LPGAT1: variants seen among roughly 807,000 people sequenced by gnomAD.
The protein encoded by LPGAT1 is acyl-CoA:lysophosphatidylglycerol acyltransferase 1.
In LPGAT1, 11 loss-of-function variants were observed where a neutral mutation model predicts 47.5. The ratio of observed to expected loss-of-function variants is 0.23; its 90% CI spans 0.15 to 0.38. The LOEUF is 0.38. LPGAT1 is among the 10% of genes least tolerant of loss of function. The pLI is 1.00. For missense variants in LPGAT1, 293 were observed against 439.0 expected (o/e 0.67, Z 2.97); for synonymous variants, 138 against 144.2 (o/e 0.96, Z 0.31).
chr1:211,787,347 G>A (rs1658921518), intron 4 of LPGAT1, among the ~76,000 whole-genome samples: 1 of 151,900 alleles, frequency 6.6e-6, no homozygotes, highest in Non-Finnish European at 1.5e-5. Context: ...AAAATTAGCT[G>A]GGCGTAGTGG....
At chr1:211,798,291 A>G (rs1659429546) in intron 2 of LPGAT1, among the ~76,000 whole-genome samples, 1 of 152,210 alleles carries the variant, frequency 6.6e-6, no homozygotes, top group Non-Finnish European at 1.5e-5. Context: ...ACAGTACCAT[A>G]GAGATCCTGA....
At chr1:211,772,811 C>G (rs1458482388) in intron 6 of LPGAT1, among the ~76,000 whole-genome samples, 3 of 152,116 alleles carry the variant, frequency 2.0e-5, no homozygotes, top group Non-Finnish European at 4.4e-5. Context: ...ATAACTATTT[C>G]TGAAATCACA....
intron 2 of LPGAT1, among the ~76,000 whole-genome samples, chr1:211,808,136 G>A (rs1383464559): frequency 7.9e-5 from 12 of 151,792 alleles, no homozygotes; most frequent in African/African-American, 2.7e-4. Context: ...ACTTGAGGTC[G>A]GGAGTTCGAG....
chr1:211,807,075 T>G (rs1220229560), intron 2 of LPGAT1, among the ~76,000 whole-genome samples: 1 of 152,156 alleles, frequency 6.6e-6, no homozygotes, highest in East Asian at 1.9e-4. Context: ...TTAGCAAAGT[T>G]GCAGGATACA....
chr1:211,817,098 T>G (rs984031597), intron 2 of LPGAT1, among the ~76,000 whole-genome samples: 5 of 152,222 alleles, frequency 3.3e-5, no homozygotes, highest in African/African-American at 9.7e-5. Flanking sequence ...TCCTTATCCA[T>G]GTAACCTATA....
intron 2 of LPGAT1, among the ~76,000 whole-genome samples, chr1:211,824,873 A>G (rs1409234197): frequency 6.6e-6 from 1 of 152,202 alleles, no homozygotes; most frequent in East Asian, 1.9e-4. Context: ...CACAATGAAT[A>G]TGTATCCCTC....
rs1434725021 is a variant in LPGAT1, at chr1:211,778,364, A to C, written c.854+554T>G. Among the ~76,000 whole-genome samples the C allele has an allele frequency of 4.3e-3, 602 of 140,718 alleles. 14 individuals carry two copies. The highest frequency in any genetic ancestry group is 0.012 in the African/African-American group (469 of 38,720). 92.3% of individuals were successfully genotyped at this position (140,718 alleles called of 152,430 possible). A position where few individuals can be genotyped will look rare whatever the true frequency, so the allele number is the denominator to read the frequency against. On this transcript the variant is annotated intron_variant, in intron 6 of 7. Coordinates refer to ENST00000366997, the MANE Select transcript of LPGAT1 (RefSeq NM_014873.3). ...CTCAAAAAAAAAAAAAAAAAAAAAA[A>C]AAAAAAAAAAGGAAGGCATGAATAA...
Position 211,749,356 on chromosome 1 carries a change from AGAGTTTGTTACTGCAACAGACTG to A in LPGAT1, c.*520_*542del, listed in dbSNP as rs1481614736. 1,509 of 156,874 alleles carry A rather than the reference AGAGTTTGTTACTGCAACAGACTG, an allele frequency of 9.6e-3. 13 individuals are homozygous for A. The highest frequency in any genetic ancestry group is 0.016 in the Admixed American group (240 of 15,366). 9.7% of individuals were successfully genotyped at this position (156,874 alleles called of 1,614,324 possible). On this transcript the variant is annotated 3_prime_UTR_variant, in exon 8 of 8. Coordinates refer to ENST00000366997, the MANE Select transcript of LPGAT1 (RefSeq NM_014873.3). ...CCCCCACAGAGAATGTCAATATTCTAGAGTTTGTTACTGCAACAGACTGGAGTTTGTTACTGCAACAGACTGGA... is the reference window on the plus strand; with the variant it reads ...CCCCCACAGAGAATGTCAATATTCTAGAGTTTGTTACTGCAACAGACTGGA...
chr1:211,818,804 T>C (rs907060956), intron 2 of LPGAT1, among the ~76,000 whole-genome samples: 4 of 152,236 alleles, frequency 2.6e-5, no homozygotes, highest in African/African-American at 9.6e-5. Context: ...TTCGTTTTGA[T>C]GACATTTTCT....
In LPGAT1 at chr1:211,750,965, T is replaced by C; in HGVS notation, c.957A>G (p.Glu319=). Residue 319 remains glutamate, a synonymous_variant, in exon 7 of 8, where the codon GAA becomes GAG. Transcript: ENST00000366997. ...EKEDLLSHFY[E]TGAFPPSKGH... The stretch of plus-strand genomic sequence containing the variant: ...TATTTAAAGGTTACTGTGTACCTGT[T>C]TCATAAAAATGTGATAAGAGGTCTT... 6.2e-7 allele frequency: 1 copy of C among 1,606,468 alleles called. No homozygotes were observed. The highest frequency in any genetic ancestry group is 2.2e-5 in the East Asian group (1 of 44,812).
At position 211,788,353 on chromosome 1, in the gene LPGAT1, T is replaced by C. The variant is rs188544448; in HGVS notation, c.358-626A>G. Among the ~76,000 whole-genome samples the C allele has an allele frequency of 2.2e-3, 332 of 152,250 alleles. 5 individuals are homozygous for C. In the South Asian group the frequency reaches 0.031, roughly 14 times the overall value. On this transcript the variant is annotated intron_variant, in intron 3 of 7. Transcript: ENST00000366997. ...TGCTGATAAGAGTTAATACCAATAT[T>C]GAGGGCAGAAGACTTTCTTTCACGC...
intron 6 of LPGAT1, among the ~76,000 whole-genome samples, chr1:211,752,742 CTT>C (rs1657256180): frequency 6.6e-6 from 1 of 152,132 alleles, no homozygotes; most frequent in African/African-American, 2.4e-5. Context: ...TTCCCTAAAC[CTT>C]TTCTATATAA....
chr1:211,825,381 A>ATGAT (rs1660515790), intron 2 of LPGAT1, among the ~76,000 whole-genome samples: 1 of 151,814 alleles, frequency 6.6e-6, no homozygotes, highest in African/African-American at 2.4e-5. Flanking sequence ...ATGTGTTTGG[A>ATGAT]TGACAATTCC....
intron 7 of LPGAT1, among the ~76,000 whole-genome samples, chr1:211,750,354 T>G (rs1441705492): frequency 6.6e-6 from 1 of 152,188 alleles, no homozygotes; most frequent in Non-Finnish European, 1.5e-5. Flanking sequence ...TTTATCTCCT[T>G]CCTGGAACTT....
At chr1:211,783,127 T>A in intron 5 of LPGAT1, 102 bp downstream of exon 5, 1 of 1,121,418 alleles carries the variant, frequency 8.9e-7, no homozygotes, top group Non-Finnish European at 1.2e-6. Flanking sequence ...CCTATTATTT[T>A]TAACAAAAAT....
intron 2 of LPGAT1, among the ~76,000 whole-genome samples, chr1:211,795,028 T>C (rs1659290710): frequency 1.3e-5 from 2 of 152,178 alleles, no homozygotes; most frequent in African/African-American, 4.8e-5. Flanking sequence ...GAAATGGTGG[T>C]TGCCAGGGGC....
At chr1:211,799,832 A>T (rs976998807) in intron 2 of LPGAT1, among the ~76,000 whole-genome samples, 2 of 152,228 alleles carry the variant, frequency 1.3e-5, no homozygotes, top group Non-Finnish European at 2.9e-5. Context: ...TGCTCAATAC[A>T]GAACTGGCTC....
chr1:211,815,219 T>C (rs1182264686), intron 2 of LPGAT1, among the ~76,000 whole-genome samples: 1 of 152,190 alleles, frequency 6.6e-6, no homozygotes, highest in Non-Finnish European at 1.5e-5. Context: ...CACTTGGATG[T>C]TTTTCATCTA....
intron 2 of LPGAT1, among the ~76,000 whole-genome samples, chr1:211,810,554 G>A (rs370263718): frequency 6.7e-6 from 1 of 149,584 alleles, no homozygotes; most frequent in Admixed American, 6.6e-5. Context: ...TCACTTAGCT[G>A]TGTGATTTTT....
Sources: gnomAD v4.1 joint callset for allele counts (sites outside exome capture counted in the v4.1 genomes callset) on GRCh38, gnomAD v4.1.1 for gene constraint, MANE v1.5 for transcripts, NCBI Gene and HGNC (gene_info 2026-07-23, HGNC 2026-07-21) for gene names.